Variants in KRABD3 observed in about 807,000 individuals in gnomAD.
KRABD3 encodes the protein KRAB domain containing 3, also known as KRAB domain-containing protein 3.
the KRABD3 span, chr7:149,719,665 C>G: frequency 6.2e-7 from 1 of 1,606,418 alleles, no homozygotes. This position sits in a 1 kb window ranked among gnomAD's most constrained non-coding sequence, Gnocchi z 5.6. Context: ...AGACGCTGGT[C>G]TCTGTGGGTA....
At chr7:149,731,529 C>T in the KRABD3 span, 2 of 706,740 alleles carry the variant, frequency 2.8e-6, no homozygotes, top group South Asian at 1.8e-5. Context: ...GAATTAGGCT[C>T]CCTCATGGGC....
the KRABD3 span, among the ~76,000 whole-genome samples, chr7:149,716,279 G>A: frequency 2.6e-5 from 4 of 152,196 alleles, no homozygotes; most frequent in East Asian, 7.7e-4. Context: ...ACGGTGGAAG[G>A]GTGATGTTAG....
chr7:149,721,969 A>G, the KRABD3 span: 2 of 368,442 alleles, frequency 5.4e-6, no homozygotes, highest in Non-Finnish European at 1.0e-5. Context: ...CTTCTCACAA[A>G]TTTTGCATGT....
At chr7:149,716,743 T>C in the KRABD3 span, among the ~76,000 whole-genome samples, 1 of 152,188 alleles carries the variant, frequency 6.6e-6, no homozygotes, top group Non-Finnish European at 1.5e-5. Context: ...AGGAGCAGTA[T>C]GTGGAAGAGC....
At chr7:149,733,148 G>C in the KRABD3 span, 1 of 1,530,322 alleles carries the variant, frequency 6.5e-7, no homozygotes, top group Non-Finnish European at 8.8e-7. Flanking sequence ...TGGGACCTCT[G>C]GGGAGAGAAA....
chr7:149,721,058 G>A, the KRABD3 span: 19 of 1,554,544 alleles, frequency 1.2e-5, no homozygotes, highest in East Asian at 6.8e-5. Flanking sequence ...ACAAGTCCAC[G>A]GCACTGCACT....
the KRABD3 span, among the ~76,000 whole-genome samples, chr7:149,718,769 C>T: frequency 6.6e-6 from 1 of 152,110 alleles, no homozygotes; most frequent in Non-Finnish European, 1.5e-5. Flanking sequence ...TCTGCCTTGG[C>T]CCCCCGAAGT....
At chr7:149,730,801 G>A in the KRABD3 span, 45 of 575,336 alleles carry the variant, frequency 7.8e-5, no homozygotes, top group African/African-American at 3.5e-4. Context: ...TTGATGCCAC[G>A]TACACGGTGT....
the KRABD3 span, chr7:149,722,495 C>T: frequency 1.4e-5 from 22 of 1,606,342 alleles, no homozygotes; most frequent in Admixed American, 3.0e-4. Flanking sequence ...GCCCTCCCAC[C>T]CATAGCCCCA....
the KRABD3 span, chr7:149,733,401 G>A: frequency 6.2e-6 from 10 of 1,608,380 alleles, no homozygotes; most frequent in African/African-American, 1.3e-5. Flanking sequence ...AAGCTGGATC[G>A]GCTCGCCACA....
At chr7:149,734,085 A>T in the KRABD3 span, 8 of 1,560,760 alleles carry the variant, frequency 5.1e-6, no homozygotes, top group Non-Finnish European at 6.9e-6. Flanking sequence ...GTTCTTGCCG[A>T]GGGTGCAGTG....
the KRABD3 span, among the ~76,000 whole-genome samples, chr7:149,720,470 A>C: frequency 2.0e-5 from 3 of 152,204 alleles, no homozygotes; most frequent in African/African-American, 4.8e-5. Flanking sequence ...GATGTGCTCC[A>C]CCGGCCCAGA....
chr7:149,718,956 C>T, the KRABD3 span, among the ~76,000 whole-genome samples: 1 of 152,218 alleles, frequency 6.6e-6, no homozygotes, highest in Non-Finnish European at 1.5e-5. Context: ...CTTCCAAGGG[C>T]AACCCCAGGT....
the KRABD3 span, among the ~76,000 whole-genome samples, chr7:149,727,531 G>A: frequency 2.0e-5 from 3 of 152,206 alleles, no homozygotes; most frequent in East Asian, 1.9e-4. Flanking sequence ...CACACAGAGG[G>A]CAGCATCTAT....
At chr7:149,722,976 G>A in the KRABD3 span, 2 of 1,540,602 alleles carry the variant, frequency 1.3e-6, no homozygotes, top group Non-Finnish European at 1.7e-6. Flanking sequence ...GGGGCCTCAG[G>A]CTGAGGTCTC....
chr7:149,716,431 C>T, the KRABD3 span, among the ~76,000 whole-genome samples: 1 of 152,284 alleles, frequency 6.6e-6, no homozygotes, highest in South Asian at 2.1e-4. Context: ...TGGGCAGAGC[C>T]AGCCAGTGGT....
chr7:149,719,672 G>A, the KRABD3 span: 1 of 1,606,608 alleles, frequency 6.2e-7, no homozygotes, highest in Non-Finnish European at 8.5e-7. This position sits in a 1 kb window ranked among gnomAD's most constrained non-coding sequence, Gnocchi z 5.6. Context: ...GGTCTCTGTG[G>A]GTAAGGACGG....
At chr7:149,722,698 C>T in the KRABD3 span, 2 of 1,515,174 alleles carry the variant, frequency 1.3e-6, no homozygotes, top group Admixed American at 2.0e-5. Flanking sequence ...GGAATCTCAG[C>T]CGCCCGGAGA....
the KRABD3 span, chr7:149,733,124 G>C: frequency 6.7e-7 from 1 of 1,484,128 alleles, no homozygotes; most frequent in South Asian, 1.3e-5. Flanking sequence ...AGAGTACTGA[G>C]CGCCCTTGGT....
Sources: gnomAD v4.1 joint callset for allele counts (sites outside exome capture counted in the v4.1 genomes callset) on GRCh38, gnomAD v4.1.1 for gene constraint, Gnocchi (gnomAD v3.1) non-coding constraint, MANE v1.5 for transcripts, NCBI Gene and HGNC (gene_info 2026-07-23, HGNC 2026-07-21) for gene names.